Variants in PTPN4 observed in about 807,000 individuals in gnomAD.
PTPN4 encodes protein tyrosine phosphatase non-receptor type 4.
PTPN4 carries 49 observed loss-of-function variants against 135.5 expected under a neutral mutation model. The observed-to-expected ratio is 0.36, with a 90% CI of 0.29 to 0.46. The LOEUF (loss-of-function observed/expected upper bound fraction) is 0.46. PTPN4 is among the 20% of genes least tolerant of loss of function. The pLI is 1.00. For missense variants in PTPN4, 860 were observed against 1,101.0 expected, an observed-to-expected ratio of 0.78 and a Z score of 3.10; for synonymous variants, 333 against 369.9, an observed-to-expected ratio of 0.90 and a Z score of 1.14.
intron 12 of PTPN4, among the ~76,000 whole-genome samples, chr2:119,920,642 A>AT (rs1678723795): frequency 6.6e-6 from 1 of 152,208 alleles, no homozygotes; most frequent in South Asian, 2.1e-4. Flanking sequence ...AATTTAGCAT[A>AT]TTTTTGGGTT....
Position 119,983,217 on chromosome 2 carries a change from T to C in PTPN4, c.*6147T>C, listed in dbSNP as rs1377359259. On this transcript the variant is annotated 3_prime_UTR_variant, in exon 27 of 27. Coordinates refer to ENST00000263708, the MANE Select transcript of PTPN4 (RefSeq NM_002830.4). ...AAAATTTAGCAAATATTACTTGTGA[T>C]AAGCTTAAATGCCACATCGCTAAGT... is the stretch of plus-strand genomic sequence containing the variant. 6.6e-6 allele frequency: 1 copy of C among 152,198 alleles called. No homozygotes were observed. The highest frequency in any genetic ancestry group is 1.5e-5 in the Non-Finnish European group (1 of 68,036). The allele number at this position is 152,198 out of a possible 1,614,324, so 9.4% of individuals were successfully genotyped here. A position where few individuals can be genotyped will look rare whatever the true frequency, so the allele number is the denominator to read the frequency against.
In PTPN4 at chr2:119,960,903, C is replaced by T; in HGVS notation, c.2230C>T (p.Gln744Ter). 1 of 1,613,996 alleles carries T rather than the reference C, an allele frequency of 6.2e-7. No individual in the cohort carries two copies. The highest frequency in any genetic ancestry group is 8.5e-7 in the Non-Finnish European group (1 of 1,179,954). Residue 744 changes from glutamine to a stop codon, truncating the protein, a stop_gained, in exon 23 of 27, where the codon CAA becomes TAA. Coordinates refer to ENST00000263708, the MANE Select transcript of PTPN4 (RefSeq NM_002830.4). LOFTEE classifies it high-confidence loss of function. ...CTDFWQMTWE[Q>*]GSSMVVMLTT... ...AGATTTTTGGCAGATGACTTGGGAA[C>T]AAGGCTCCTCTATGGTTGTAATGTT...
intron 1 of PTPN4, among the ~76,000 whole-genome samples, chr2:119,766,449 CG>C (rs1690624368): frequency 1.5e-5 from 2 of 130,996 alleles, no homozygotes; most frequent in Non-Finnish European, 1.6e-5. Flanking sequence ...CATGTGCGCG[CG>C]TGTGTGTGTG....
In PTPN4 at chr2:119,965,178, A is replaced by C. The variant is rs1679427940; in HGVS notation, c.2410-319A>C. 4.6e-5 allele frequency among the ~76,000 whole-genome samples: 7 copies of C among 152,184 alleles called. 1 individual carries two copies. Among genetic ancestry groups the C allele is most frequent in the Admixed American group, 3.3e-4 (5 of 15,266 alleles). Reference sequence around the variant, plus strand: ...TTAGACCAACTGAGTCAGTAGTTTCATCAGTATGCAGGACCCAAAAGAATG... The same window carrying C: ...TTAGACCAACTGAGTCAGTAGTTTCCTCAGTATGCAGGACCCAAAAGAATG... On this transcript the variant is annotated intron_variant, in intron 24 of 26. Coordinates refer to ENST00000263708, the MANE Select transcript of PTPN4 (RefSeq NM_002830.4).
At chr2:119,907,226 C>T (rs1416976046) in intron 10 of PTPN4, among the ~76,000 whole-genome samples, 2 of 152,082 alleles carry the variant, frequency 1.3e-5, no homozygotes, top group Non-Finnish European at 2.9e-5. Flanking sequence ...CCACACTACC[C>T]AAAGCATTCT....
intron 2 of PTPN4, among the ~76,000 whole-genome samples, chr2:119,833,759 C>T (rs1194137200): frequency 1.3e-5 from 2 of 152,144 alleles, no homozygotes; most frequent in Non-Finnish European, 1.5e-5. Context: ...TTCACACCCA[C>T]GTGAGACTTT....
chr2:119,942,982 G>A (rs756669246), intron 15 of PTPN4, among the ~76,000 whole-genome samples: 2 of 152,222 alleles, frequency 1.3e-5, no homozygotes, highest in Non-Finnish European at 2.9e-5. Context: ...AAAGAGGGAT[G>A]TATGCTCTGA....
intron 10 of PTPN4, among the ~76,000 whole-genome samples, chr2:119,910,464 A>C (rs765209218): frequency 2.3e-4 from 35 of 152,174 alleles, no homozygotes; most frequent in Non-Finnish European, 4.7e-4. Context: ...CAGACCCTAC[A>C]TACATTAAAA....
At position 119,956,901 on chromosome 2, in the gene PTPN4, A is replaced by G. The variant is rs768185057; in HGVS notation, c.2038A>G (p.Ile680Val). The change falls in exon 21 of 27, where the codon ATT (isoleucine) becomes GTT (valine). Residue 680 changes from isoleucine (I) to valine (V), a missense_variant. Ile to Val is a conservative substitution (Grantham distance 29). Transcript: ENST00000263708. ...TMSCAKLPQN[I>V]SKNRYRDISP... The stretch of plus-strand genomic sequence containing the variant: ...GTCCTGTGCCAAATTACCTCAGAAT[A>G]TTTCCAAAAATAGATACAGAGATAT... 6.2e-7 allele frequency: 1 copy of G among 1,609,658 alleles called. No homozygotes were observed.
rs1257783620 is a variant in PTPN4 at position 119,956,846 on chromosome 2, A to G, written c.1983A>G (p.Gln661=). 2 of 1,576,150 alleles carry G rather than the reference A, an allele frequency of 1.3e-6. No homozygotes were observed. Among genetic ancestry groups the G allele is most frequent in the Non-Finnish European group, 1.7e-6 (2 of 1,169,850 alleles). The change falls in exon 21 of 27, where the codon CAA becomes CAG. Residue 661 remains glutamine, a splice_region_variant and synonymous_variant. Coordinates refer to ENST00000263708, the MANE Select transcript of PTPN4 (RefSeq NM_002830.4). ...ITGTVLTQFD[Q]LYRKKPGMTM... is the part of the protein sequence containing the mutation. ...GTACCTTTTTTTTTTTTTTTTAGCA[A>G]CTGTATCGGAAAAAACCTGGAATGA...
intron 16 of PTPN4, 93 bp from the exon 17 acceptor site, chr2:119,946,248 A>G: frequency 1.0e-6 from 1 of 965,212 alleles, no homozygotes; most frequent in Non-Finnish European, 1.5e-6. Context: ...AACTATGCAT[A>G]ATATAAGCAT....
At chr2:119,948,679 C>G (rs960817170) in intron 18 of PTPN4, among the ~76,000 whole-genome samples, 2 of 152,042 alleles carry the variant, frequency 1.3e-5, no homozygotes, top group African/African-American at 4.8e-5. Flanking sequence ...AATCAAAATG[C>G]TCATCGTTAA....
intron 26 of PTPN4, among the ~76,000 whole-genome samples, chr2:119,975,520 G>A (rs1399731403): frequency 6.6e-6 from 1 of 152,214 alleles, no homozygotes; most frequent in Non-Finnish European, 1.5e-5. Context: ...GAGGTCAGGA[G>A]TTCAAGACCA....
intron 26 of PTPN4, among the ~76,000 whole-genome samples, chr2:119,970,146 G>A (rs529162235): frequency 1.9e-3 from 288 of 151,920 alleles, no homozygotes; most frequent in Non-Finnish European, 3.4e-3. Flanking sequence ...CGCAACCTCC[G>A]CCTTCCGGGT....
chr2:119,970,137 G>A (rs565648760), intron 26 of PTPN4, among the ~76,000 whole-genome samples: 5 of 151,938 alleles, frequency 3.3e-5, no homozygotes, highest in East Asian at 3.9e-4. Flanking sequence ...TCAGCTCGCC[G>A]CAACCTCCGC....
chr2:119,955,470 C>A, intron 20 of PTPN4, 147 bp downstream of exon 20: 1 of 709,696 alleles, frequency 1.4e-6, no homozygotes, highest in Non-Finnish European at 2.0e-6. Flanking sequence ...TCTAAAATGC[C>A]AAGTTTTAAA....
intron 13 of PTPN4, among the ~76,000 whole-genome samples, chr2:119,931,360 G>T (rs1389171074): frequency 2.0e-5 from 3 of 149,354 alleles, no homozygotes; most frequent in South Asian, 2.1e-4. Context: ...AATTCTAAGG[G>T]TTTATGATCT....
Position 119,760,294 on chromosome 2 carries a change from G to C in PTPN4, c.-108G>C. Reference sequence around the variant, plus strand: ...CGGGGGGCGCTGAGGTAGCCCCCCGGAGCGGCACGGAGGACGCGCTTCTCC... The same window carrying C: ...CGGGGGGCGCTGAGGTAGCCCCCCGCAGCGGCACGGAGGACGCGCTTCTCC... On this transcript the variant is annotated 5_prime_UTR_variant, in exon 1 of 27. Coordinates refer to ENST00000263708, the MANE Select transcript of PTPN4 (RefSeq NM_002830.4). 1 of 395,840 alleles carries C rather than the reference G, an allele frequency of 2.5e-6. No individual in the cohort carries two copies. Among genetic ancestry groups the C allele is most frequent in the East Asian group, 3.6e-5 (1 of 27,922 alleles). The allele number at this position is 395,840 out of a possible 1,614,324, so 24.5% of individuals were successfully genotyped here. A position where few individuals can be genotyped will look rare whatever the true frequency, so the allele number is the denominator to read the frequency against.
chr2:119,925,804 C>T (rs1253211395), intron 12 of PTPN4, among the ~76,000 whole-genome samples: 1 of 152,144 alleles, frequency 6.6e-6, no homozygotes, highest in Admixed American at 6.5e-5. Context: ...ATGTACATAT[C>T]CTTATCTCTG....
Sources: allele counts gnomAD v4.1 joint callset (sites outside exome capture counted in the v4.1 genomes callset), GRCh38; gene constraint gnomAD v4.1.1; transcripts MANE v1.5; gene names NCBI Gene and HGNC (gene_info 2026-07-23, HGNC 2026-07-21).